The following LINGO2 variants were observed in gnomAD, a reference collection of about 807,000 sequenced individuals.
LINGO2 encodes the protein leucine rich repeat and Ig domain containing 2, also known as leucine-rich repeat and immunoglobulin-like domain-containing nogo receptor-interacting protein 2.
In LINGO2, 14 loss-of-function variants were observed where a neutral mutation model predicts 30.6. The ratio of observed to expected loss-of-function variants is 0.46; its 90% CI spans 0.30 to 0.72. The LOEUF (loss-of-function observed/expected upper bound fraction) is 0.72. Among genes scored for constraint, LINGO2 ranks in the 30% least tolerant of loss-of-function variants. The pLI, the probability that LINGO2 is intolerant of heterozygous loss-of-function variation, is 0.07. For synonymous variants in LINGO2, 317 were observed against 288.5 expected, an observed-to-expected ratio of 1.10 and a Z score of -1.00; for missense variants, 729 against 751.7, an observed-to-expected ratio of 0.97 and a Z score of 0.35.
chr9:28,698,310 TC>T, the LINGO2 span, among the ~76,000 whole-genome samples: 1 of 152,028 alleles, frequency 6.6e-6, no homozygotes, highest in Non-Finnish European at 1.5e-5. Context: ...CTTGCACAGG[TC>T]CTTTATACAT....
chr9:28,612,361 T>A (rs1369869095), intron 1 of LINGO2, among the ~76,000 whole-genome samples: 1 of 152,136 alleles, frequency 6.6e-6, no homozygotes, highest in Non-Finnish European at 1.5e-5. Context: ...GTGGCCCACA[T>A]TTTCTTTATC....
chr9:28,352,141 T>G (rs1008931311), intron 3 of LINGO2, among the ~76,000 whole-genome samples: 1 of 151,088 alleles, frequency 6.6e-6, no homozygotes, highest in East Asian at 2.0e-4. Context: ...GTGTTGGAAG[T>G]TCTGGCCAGG....
chr9:28,936,486 C>G, the LINGO2 span, among the ~76,000 whole-genome samples: 27 of 152,274 alleles, frequency 1.8e-4, no homozygotes, highest in African/African-American at 6.5e-4. Flanking sequence ...GCAAACATAT[C>G]ATTATCACTT....
At chr9:28,693,979 C>T in the LINGO2 span, among the ~76,000 whole-genome samples, 1 of 151,900 alleles carries the variant, frequency 6.6e-6, no homozygotes. Flanking sequence ...CTGACCCCAT[C>T]AAAATCCATG....
At chr9:28,845,138 G>C in the LINGO2 span, among the ~76,000 whole-genome samples, 1 of 151,802 alleles carries the variant, frequency 6.6e-6, no homozygotes, top group Non-Finnish European at 1.5e-5. Context: ...TTTAGATATA[G>C]AGTGTAATCA....
intron 3 of LINGO2, among the ~76,000 whole-genome samples, chr9:28,369,599 A>T (rs530238086): frequency 1.3e-5 from 2 of 152,204 alleles, no homozygotes; most frequent in African/African-American, 4.8e-5. Context: ...ATAAAATCAG[A>T]CAGGTAGGTG....
At chr9:28,551,413 G>A (rs1822274265) in intron 1 of LINGO2, among the ~76,000 whole-genome samples, 1 of 151,646 alleles carries the variant, frequency 6.6e-6, no homozygotes, top group African/African-American at 2.4e-5. Context: ...GATATATAAA[G>A]TTAGAAAAAA....
chr9:28,274,810 T>C (rs142829697), intron 4 of LINGO2, among the ~76,000 whole-genome samples: 3 of 152,322 alleles, frequency 2.0e-5, no homozygotes, highest in Non-Finnish European at 2.9e-5. Context: ...TCCCAGTTAC[T>C]ACTGGTACCT....
the LINGO2 span, among the ~76,000 whole-genome samples, chr9:28,776,280 CTTTT>C: frequency 4.1e-5 from 6 of 147,998 alleles, no homozygotes; most frequent in Admixed American, 4.1e-4. Context: ...TTTTTTCTCT[CTTTT>C]TCTTTCTGCC....
At chr9:29,062,839 C>CT in the LINGO2 span, among the ~76,000 whole-genome samples, 1 of 152,122 alleles carries the variant, frequency 6.6e-6, no homozygotes, top group African/African-American at 2.4e-5. Context: ...CCTTTCCTGA[C>CT]TTTTTGTGAT....
At chr9:29,195,744 T>C in the LINGO2 span, among the ~76,000 whole-genome samples, 4 of 152,156 alleles carry the variant, frequency 2.6e-5, no homozygotes, top group South Asian at 6.2e-4. Context: ...AATCTGGACA[T>C]ACTTTATGAC....
intron 4 of LINGO2, among the ~76,000 whole-genome samples, chr9:28,175,420 G>A (rs1235520671): frequency 1.3e-5 from 2 of 152,000 alleles, no homozygotes; most frequent in Non-Finnish European, 2.9e-5. Flanking sequence ...TCCTCTCATT[G>A]GCAGACAGTG....
chr9:28,232,817 T>C (rs1013074726), intron 4 of LINGO2, among the ~76,000 whole-genome samples: 12 of 151,616 alleles, frequency 7.9e-5, no homozygotes, highest in African/African-American at 2.9e-4. Flanking sequence ...TTCTATTAGC[T>C]TGACTTCTTG....
chr9:29,212,398 C>T, the LINGO2 span, among the ~76,000 whole-genome samples: 4 of 151,886 alleles, frequency 2.6e-5, no homozygotes, highest in Non-Finnish European at 5.9e-5. Context: ...CCTGCGGCGC[C>T]CAGGTTCCGA....
chr9:28,334,119 G>C (rs1241580924), intron 3 of LINGO2, among the ~76,000 whole-genome samples: 4 of 152,100 alleles, frequency 2.6e-5, no homozygotes, highest in Non-Finnish European at 5.9e-5. Context: ...TCTGAACATA[G>C]AGTAGCTTCC....
the LINGO2 span, among the ~76,000 whole-genome samples, chr9:28,869,654 G>A: frequency 1.3e-5 from 2 of 151,972 alleles, no homozygotes; most frequent in East Asian, 3.9e-4. Context: ...CAAGATGCAT[G>A]AGAAATGGCT....
At chr9:28,847,839 T>G in the LINGO2 span, among the ~76,000 whole-genome samples, 14 of 114,998 alleles carry the variant, frequency 1.2e-4, 2 homozygotes, top group East Asian at 3.5e-3. Flanking sequence ...GTATAGTATA[T>G]ATACACATAT....
intron 1 of LINGO2, among the ~76,000 whole-genome samples, chr9:28,532,669 C>T (rs577246620): frequency 2.0e-5 from 3 of 152,116 alleles, no homozygotes; most frequent in East Asian, 2.0e-4. Flanking sequence ...TCTGATTCTC[C>T]TCTAGACTTC....
chr9:29,046,977 G>A, the LINGO2 span, among the ~76,000 whole-genome samples: 3 of 27,090 alleles, frequency 1.1e-4, no homozygotes, highest in East Asian at 2.6e-3. Flanking sequence ...TACTTGGTAG[G>A]CTGCGGCAGG....
Sources: allele counts gnomAD v4.1 joint callset (sites outside exome capture counted in the v4.1 genomes callset), GRCh38; gene constraint gnomAD v4.1.1; transcripts MANE v1.5; gene names NCBI Gene and HGNC (gene_info 2026-07-23, HGNC 2026-07-21).